The following KLHL32 variants were observed in gnomAD, a reference collection of about 807,000 sequenced individuals.
KLHL32 encodes kelch-like protein 32.
KLHL32 carries 35 observed loss-of-function variants against 64.8 expected under a neutral mutation model. The ratio of observed to expected loss-of-function variants is 0.54; its 90% confidence interval spans 0.41 to 0.72. The LOEUF is 0.72. Ranked by LOEUF, KLHL32 falls within the 30% of genes least tolerant of loss-of-function variation. KLHL32 has a pLI of 0.00. For missense variants in KLHL32, 589 were observed against 768.5 expected (o/e 0.77, Z 2.76); for synonymous variants, 259 against 281.0 (o/e 0.92, Z 0.78).
At chr6:97,092,310 G>A (rs1794380310) in intron 6 of KLHL32, among the ~76,000 whole-genome samples, 1 of 152,122 alleles carries the variant, frequency 6.6e-6, no homozygotes. Context: ...ATACATGCAT[G>A]TGTTGTTACT....
intron 6 of KLHL32, among the ~76,000 whole-genome samples, chr6:97,093,345 C>A (rs372026708): frequency 1.3e-5 from 2 of 152,252 alleles, no homozygotes; most frequent in South Asian, 4.1e-4. Flanking sequence ...TCTCTCATCA[C>A]CCTTGTTAAG....
At chr6:96,999,780 G>T (rs765002016) in intron 3 of KLHL32, among the ~76,000 whole-genome samples, 3 of 151,766 alleles carry the variant, frequency 2.0e-5, no homozygotes, top group Non-Finnish European at 4.4e-5. Flanking sequence ...CTTTATTATG[G>T]TTCTTAATGT....
chr6:97,102,774 G>A (rs1795893284), intron 6 of KLHL32, among the ~76,000 whole-genome samples: 1 of 151,936 alleles, frequency 6.6e-6, no homozygotes, highest in Non-Finnish European at 1.5e-5. Context: ...TTATTGTCCT[G>A]TAGGACATTT....
At chr6:97,043,451 C>G (rs199719057) in intron 4 of KLHL32, among the ~76,000 whole-genome samples, 3 of 151,708 alleles carry the variant, frequency 2.0e-5, no homozygotes, top group Non-Finnish European at 4.4e-5. Flanking sequence ...ACCATCTTTT[C>G]TTTATTCATC....
chr6:96,908,947 G>A, the KLHL32 span, among the ~76,000 whole-genome samples: 1 of 152,112 alleles, frequency 6.6e-6, no homozygotes, highest in Non-Finnish European at 1.5e-5. Context: ...CTGAAACCAG[G>A]AGAAACTGAA....
In KLHL32 at chr6:97,132,589, A is replaced by G. The variant is rs530549128; in HGVS notation, c.1607-64A>G. Reference sequence around the variant, plus strand: ...GAAAATTGTATCCCTCAGTGGCAAAAGGGTTAATTAAAATATGTAAGAAAT... The same window carrying G: ...GAAAATTGTATCCCTCAGTGGCAAAGGGGTTAATTAAAATATGTAAGAAAT... On this transcript the variant is annotated intron_variant, in intron 9 of 10. Coordinates refer to ENST00000369261, the MANE Select transcript of KLHL32 (RefSeq NM_052904.4). 3.4e-4 allele frequency: 430 copies of G among 1,259,624 alleles called. 2 individuals carry two copies. The African/African-American group carries it at 4.1e-3, about 12-fold the overall frequency. The allele number at this position is 1,259,624 out of a possible 1,614,324, so 78.0% of individuals were successfully genotyped here.
Position 97,074,867 on chromosome 6 carries a change from A to AAT in KLHL32, c.411+10154_411+10155dup, listed in dbSNP as rs1026820457. Among the ~76,000 whole-genome samples, 1,037 of 150,732 alleles carry AAT rather than the reference A, an allele frequency of 6.9e-3. 11 individuals carry two copies. The highest frequency in any genetic ancestry group is 0.024 in the African/African-American group (984 of 41,282). ...GATAAACTATTTTCAATTAAAAGAA[A>AAT]ATATATATATATATTAATTTCTTAT... On this transcript the variant is annotated intron_variant, in intron 5 of 10. Coordinates refer to ENST00000369261, the MANE Select transcript of KLHL32 (RefSeq NM_052904.4).
intron 3 of KLHL32, among the ~76,000 whole-genome samples, chr6:97,012,340 G>C (rs574460064): frequency 6.6e-6 from 1 of 152,164 alleles, no homozygotes; most frequent in African/African-American, 2.4e-5. Flanking sequence ...CACAGTCAGA[G>C]GAGTCAGGAC....
intron 3 of KLHL32, among the ~76,000 whole-genome samples, chr6:97,038,325 C>CAA (rs142479378): frequency 4.2e-4 from 58 of 139,044 alleles, no homozygotes; most frequent in Admixed American, 7.9e-4. Context: ...AGTTCACTAG[C>CAA]AAAAAAAAAA....
upstream of KLHL32, among the ~76,000 whole-genome samples, chr6:96,924,067 G>A (rs1189722175): frequency 6.6e-6 from 1 of 152,180 alleles, no homozygotes; most frequent in Non-Finnish European, 1.5e-5. Context: ...TCAGGCTTGG[G>A]GATTTCGTCC....
At chr6:97,005,131 G>GGCTT (rs1284304463) in intron 3 of KLHL32, among the ~76,000 whole-genome samples, 1 of 151,864 alleles carries the variant, frequency 6.6e-6, no homozygotes, top group Non-Finnish European at 1.5e-5. Context: ...CTGGTTGGTA[G>GGCTT]GCTTTTTATT....
intron 5 of KLHL32, among the ~76,000 whole-genome samples, chr6:97,075,009 G>A (rs1791378127): frequency 6.6e-6 from 1 of 151,994 alleles, no homozygotes; most frequent in Non-Finnish European, 1.5e-5. Flanking sequence ...ATTGTTGACG[G>A]CTATGTTTCA....
At chr6:96,955,114 C>T (rs1039040927) in intron 1 of KLHL32, among the ~76,000 whole-genome samples, 3 of 152,128 alleles carry the variant, frequency 2.0e-5, no homozygotes, top group South Asian at 2.1e-4. Context: ...CATGAGTGCG[C>T]CACTGTCATT....
chr6:96,898,715 A>C, the KLHL32 span, among the ~76,000 whole-genome samples: 1 of 152,110 alleles, frequency 6.6e-6, no homozygotes, highest in Admixed American at 6.5e-5. Flanking sequence ...CAAACAAACA[A>C]AAAAACGAGT....
intron 5 of KLHL32, 99 bp from the exon 6 acceptor site, chr6:97,085,027 G>T: frequency 1.0e-6 from 1 of 954,674 alleles, no homozygotes; most frequent in Non-Finnish European, 1.6e-6. Flanking sequence ...TCCCACCACT[G>T]TGATGAAAAC....
intron 1 of KLHL32, among the ~76,000 whole-genome samples, chr6:96,936,854 C>A (rs948640900): frequency 3.9e-5 from 6 of 152,154 alleles, no homozygotes; most frequent in Non-Finnish European, 8.8e-5. Flanking sequence ...GTTGGTAATA[C>A]CCTCGGCCTG....
intron 4 of KLHL32, among the ~76,000 whole-genome samples, chr6:97,059,796 T>C (rs1439195320): frequency 6.6e-6 from 1 of 152,226 alleles, no homozygotes; most frequent in Non-Finnish European, 1.5e-5. Flanking sequence ...TTTATGTGTG[T>C]TGAATATATG....
rs536362631 is a variant in KLHL32, at chr6:97,100,095, T to C, written c.628-13688T>C. Among the ~76,000 whole-genome samples, 3 of 152,120 alleles carry C rather than the reference T, an allele frequency of 2.0e-5. No homozygotes were observed. In the East Asian group the frequency reaches 5.8e-4, roughly 29 times the overall value. ...AGGTGGAGGTAGCAGTACGCCAAGA[T>C]TGTGCCACTGTACTCCAGCCTAGGT... On this transcript the variant is annotated intron_variant, in intron 6 of 10. Coordinates refer to ENST00000369261, the MANE Select transcript of KLHL32 (RefSeq NM_052904.4).
intron 6 of KLHL32, among the ~76,000 whole-genome samples, chr6:97,094,929 T>C (rs1457446678): frequency 6.6e-6 from 1 of 152,168 alleles, no homozygotes; most frequent in Non-Finnish European, 1.5e-5. Flanking sequence ...AAAGGAGTGA[T>C]GGATGGTGCG....
Sources: allele counts gnomAD v4.1 joint callset (sites outside exome capture counted in the v4.1 genomes callset), GRCh38; gene constraint gnomAD v4.1.1; transcripts MANE v1.5; gene names NCBI Gene and HGNC (gene_info 2026-07-23, HGNC 2026-07-21).